Variants in EYS observed in about 807,000 individuals in gnomAD.
EYS encodes the protein EGF-like photoreceptor maintenance factor.
In EYS, 250 loss-of-function variants were observed where a neutral mutation model predicts 282.1. The ratio of observed to expected loss-of-function variants is 0.89; its 90% CI spans 0.80 to 0.98. EYS has a LOEUF of 0.98. EYS is among the 50% of genes least tolerant of loss of function. The pLI is 0.00. For missense variants in EYS, 4,016 were observed against 3,709.0 expected (o/e 1.08, Z -2.15); for synonymous variants, 1,355 against 1,282.9 (o/e 1.06, Z -1.20).
At chr6:65,172,154 G>A (rs1765119547) in intron 12 of EYS, among the ~76,000 whole-genome samples, 1 of 150,966 alleles carries the variant, frequency 6.6e-6, no homozygotes, top group African/African-American at 2.4e-5. Context: ...TCACAATTAA[G>A]TTGATAATTT....
At chr6:64,847,425 C>A (rs1765750154) in intron 19 of EYS, among the ~76,000 whole-genome samples, 1 of 152,020 alleles carries the variant, frequency 6.6e-6, no homozygotes, top group South Asian at 2.1e-4. Context: ...TAATGGTAAG[C>A]AAATATTCTC....
intron 31 of EYS, among the ~76,000 whole-genome samples, chr6:64,175,242 T>C (rs1250901275): frequency 2.0e-5 from 3 of 152,140 alleles, no homozygotes; most frequent in African/African-American, 7.2e-5. Context: ...TTAATTTACA[T>C]TGATTTATTC....
chr6:64,124,609 C>T (rs1773700272), intron 31 of EYS, among the ~76,000 whole-genome samples: 1 of 152,042 alleles, frequency 6.6e-6, no homozygotes, highest in Admixed American at 6.6e-5. Context: ...TCTAGGCTCC[C>T]CCTAGACCAT....
intron 22 of EYS, among the ~76,000 whole-genome samples, chr6:64,762,523 A>C (rs1773191530): frequency 6.6e-6 from 1 of 152,236 alleles, no homozygotes; most frequent in Non-Finnish European, 1.5e-5. Context: ...CTCTGTTGAC[A>C]GTAAGAAATG....
intron 12 of EYS, among the ~76,000 whole-genome samples, chr6:65,247,355 C>A (rs1767205918): frequency 6.6e-6 from 1 of 152,048 alleles, no homozygotes; most frequent in Admixed American, 6.6e-5. Context: ...TGAGAAGTTT[C>A]CTCTGATAAC....
chr6:64,851,385 G>C (rs919998656), intron 19 of EYS, among the ~76,000 whole-genome samples: 1 of 151,992 alleles, frequency 6.6e-6, no homozygotes, highest in Non-Finnish European at 1.5e-5. Flanking sequence ...AATAATTTAT[G>C]TTCTAGAGTC....
At chr6:64,078,111 C>T (rs1345845992) in intron 32 of EYS, among the ~76,000 whole-genome samples, 2 of 151,964 alleles carry the variant, frequency 1.3e-5, no homozygotes, top group African/African-American at 4.8e-5. Context: ...TAATTCAAAG[C>T]TGACAGTGGT....
chr6:65,293,650 T>C (rs1768586929), intron 12 of EYS, among the ~76,000 whole-genome samples: 1 of 151,868 alleles, frequency 6.6e-6, no homozygotes, highest in Admixed American at 6.6e-5. Flanking sequence ...TTTCTTAAAG[T>C]GGTTCACAGA....
chr6:65,342,039 T>G (rs1770216849), intron 10 of EYS, among the ~76,000 whole-genome samples: 1 of 151,200 alleles, frequency 6.6e-6, no homozygotes, highest in Admixed American at 6.6e-5. Context: ...ATATTGTTAG[T>G]CTTTTAGTTG....
chr6:65,304,407 A>C (rs2150293519), intron 11 of EYS: 1 of 509,060 alleles, frequency 2.0e-6, no homozygotes, highest in South Asian at 1.9e-5. Context: ...GGGATTGCAG[A>C]CTCATTATTG....
At chr6:64,303,397 A>G (rs575798739) in intron 30 of EYS, among the ~76,000 whole-genome samples, 1 of 152,320 alleles carries the variant, frequency 6.6e-6, no homozygotes, top group East Asian at 1.9e-4. Flanking sequence ...AGCATGCCTG[A>G]CAGGCCTGTT....
intron 5 of EYS, among the ~76,000 whole-genome samples, chr6:65,450,986 G>A (rs914019198): frequency 1.3e-5 from 2 of 152,020 alleles, no homozygotes; most frequent in African/African-American, 2.4e-5. Flanking sequence ...AGATACTGCT[G>A]TATATACATG....
intron 22 of EYS, among the ~76,000 whole-genome samples, chr6:64,788,014 T>G (rs1300789808): frequency 3.3e-5 from 5 of 150,658 alleles, no homozygotes; most frequent in African/African-American, 9.9e-5. Flanking sequence ...TTTTTGAAGC[T>G]TTTTTTTCTG....
At chr6:64,498,603 C>T (rs774904440) in intron 26 of EYS, among the ~76,000 whole-genome samples, 2 of 151,954 alleles carry the variant, frequency 1.3e-5, no homozygotes, top group Non-Finnish European at 2.9e-5. Context: ...AGGTATTTGC[C>T]CTAATGCCCT....
chr6:64,780,436 T>G (rs948637911), intron 22 of EYS, among the ~76,000 whole-genome samples: 7 of 152,098 alleles, frequency 4.6e-5, no homozygotes, highest in Non-Finnish European at 1.0e-4. Flanking sequence ...ATACTACACG[T>G]TCTCACTTAT....
At chr6:65,301,523 G>A (rs148781717) in intron 11 of EYS, among the ~76,000 whole-genome samples, 2,744 of 152,228 alleles carry the variant, frequency 0.018, 48 homozygotes, top group African/African-American at 0.063. Context: ...GACGACGGAC[G>A]GCAGCGGCCA....
At chr6:64,959,875 ATTTTTTTTT>A (rs35264278) in intron 14 of EYS, among the ~76,000 whole-genome samples, 4 of 119,254 alleles carry the variant, frequency 3.4e-5, no homozygotes, top group African/African-American at 1.3e-4. Context: ...ACGACTCAGG[ATTTTTTTTT>A]TTTTTTTTTT....
chr6:64,031,738 G>A (rs1338454949), intron 33 of EYS, among the ~76,000 whole-genome samples: 1 of 151,932 alleles, frequency 6.6e-6, no homozygotes, highest in Non-Finnish European at 1.5e-5. Context: ...GAACTTTTGT[G>A]TGGTGACACG....
chr6:65,542,163 C>A (rs1582434719), intron 2 of EYS, among the ~76,000 whole-genome samples: 1 of 152,134 alleles, frequency 6.6e-6, no homozygotes, highest in East Asian at 1.9e-4. Flanking sequence ...TTTATGAATT[C>A]TAAGATTATT....
Sources: allele counts gnomAD v4.1 joint callset (sites outside exome capture counted in the v4.1 genomes callset), GRCh38; gene constraint gnomAD v4.1.1; transcripts MANE v1.5; gene names NCBI Gene and HGNC (gene_info 2026-07-23, HGNC 2026-07-21).